Variants in FBXW4 observed in about 807,000 individuals in gnomAD.
The protein encoded by FBXW4 is F-box/WD repeat-containing protein 4.
A neutral mutation model predicts 61.8 loss-of-function variants in FBXW4; 40 were observed. The ratio of observed to expected loss-of-function variants is 0.65; its 90% CI spans 0.50 to 0.84. The LOEUF (loss-of-function observed/expected upper bound fraction) is 0.84. Among genes scored for constraint, FBXW4 ranks in the 40% least tolerant of loss-of-function variants. The pLI, the probability that FBXW4 is intolerant of heterozygous loss-of-function variation, is 0.00. For synonymous variants in FBXW4, 311 were observed against 313.8 expected, an observed-to-expected ratio of 0.99 and a Z score of 0.10; for missense variants, 672 against 753.8, an observed-to-expected ratio of 0.89 and a Z score of 1.27.
chr10:101,615,782 G>A (rs546841483), intron 6 of FBXW4, among the ~76,000 whole-genome samples: 3 of 152,246 alleles, frequency 2.0e-5, no homozygotes, highest in East Asian at 1.9e-4. Flanking sequence ...TGGATAGCCC[G>A]CCAGGGACAG....
At chr10:101,674,277 C>T (rs1407362642) in intron 2 of FBXW4, among the ~76,000 whole-genome samples, 1 of 150,268 alleles carries the variant, frequency 6.7e-6, no homozygotes, top group Non-Finnish European at 1.5e-5. Context: ...TGCAGTGAGC[C>T]GAGATCGCAC....
intron 4 of FBXW4, 130 bp from the exon 5 acceptor site, chr10:101,668,110 C>G: frequency 1.5e-6 from 1 of 683,588 alleles, no homozygotes; most frequent in South Asian, 1.7e-5. Context: ...ACACAGAGCT[C>G]AGGTATCAGC....
intron 1 of FBXW4, among the ~76,000 whole-genome samples, chr10:101,691,572 T>G (rs1240998907): frequency 2.0e-5 from 3 of 152,236 alleles, no homozygotes; most frequent in African/African-American, 4.8e-5. Context: ...TTTCTTTTTT[T>G]TTGTTGTTAT....
At chr10:101,665,505 C>T (rs1272206968) in intron 5 of FBXW4, among the ~76,000 whole-genome samples, 1 of 152,124 alleles carries the variant, frequency 6.6e-6, no homozygotes, top group South Asian at 2.1e-4. Flanking sequence ...AAACATAAGG[C>T]CTAGGTCTTC....
At chr10:101,686,729 T>A (rs1242480086) in intron 1 of FBXW4, among the ~76,000 whole-genome samples, 5 of 152,170 alleles carry the variant, frequency 3.3e-5, no homozygotes, top group South Asian at 2.1e-4. Flanking sequence ...GTGACCAGAC[T>A]TCAAAATCCC....
At chr10:101,660,320 G>A (rs938003252) in intron 5 of FBXW4, 26 of 312,196 alleles carry the variant, frequency 8.3e-5, no homozygotes, top group Admixed American at 3.9e-4. Flanking sequence ...TGCTTGGGAA[G>A]TTGGGTTGGG....
At chr10:101,630,295 CA>C (rs2063941263) in intron 5 of FBXW4, among the ~76,000 whole-genome samples, 1 of 152,176 alleles carries the variant, frequency 6.6e-6, no homozygotes, top group African/African-American at 2.4e-5. Flanking sequence ...GGAAAAATTG[CA>C]ATTAAATCAA....
intron 1 of FBXW4, among the ~76,000 whole-genome samples, chr10:101,689,395 A>C (rs543283430): frequency 6.6e-6 from 1 of 152,224 alleles, no homozygotes; most frequent in Non-Finnish European, 1.5e-5. Context: ...TAGTGATTGC[A>C]CTAGACCATG....
intron 5 of FBXW4, among the ~76,000 whole-genome samples, chr10:101,629,434 C>A (rs1213366293): frequency 6.6e-6 from 1 of 152,114 alleles, no homozygotes; most frequent in Non-Finnish European, 1.5e-5. Context: ...CAGGTGCGCA[C>A]CACCACGCCT....
chr10:101,631,451 T>TA (rs372526656), intron 5 of FBXW4, among the ~76,000 whole-genome samples: 1 of 151,672 alleles, frequency 6.6e-6, no homozygotes, highest in African/African-American at 2.4e-5. Flanking sequence ...TTACAACTAC[T>TA]AAAAAAAAGA....
At position 101,694,836 on chromosome 10, in the gene FBXW4, G is replaced by C. The variant is rs1052784405; in HGVS notation, c.270C>G (p.Ser90Arg). 49 of 1,291,606 alleles carry C rather than the reference G, an allele frequency of 3.8e-5. No homozygotes were observed. Among genetic ancestry groups the C allele is most frequent in the African/African-American group, 3.6e-4 (23 of 64,508 alleles). 80.0% of individuals were successfully genotyped at this position (1,291,606 alleles called of 1,614,324 possible). The change falls in exon 1 of 9, where the codon AGC (serine) becomes AGG (arginine). Residue 90 changes from serine (S) to arginine (R), a missense_variant. Physicochemically the swap from Ser to Arg is moderately radical, Grantham distance 110. Coordinates refer to ENST00000331272, the MANE Select transcript of FBXW4 (RefSeq NM_022039.4). The surrounding 1 kb of genome is among the most constrained non-coding windows in gnomAD (Gnocchi z 6.0). ...CGATGCCTCTCGCCCCTTCCTCCAC[G>C]CTTCTGCCTCCCTCTGCTTCCTCCC... ...CPREEAEGGRSVEEGARGIVK... is the reference protein window; with the variant it reads ...CPREEAEGGRRVEEGARGIVK...
intron 5 of FBXW4, among the ~76,000 whole-genome samples, chr10:101,629,753 C>G (rs1306576027): frequency 6.6e-6 from 1 of 151,788 alleles, no homozygotes; most frequent in African/African-American, 2.4e-5. Context: ...GTGGGCTACA[C>G]TTCAAGAGTT....
chr10:101,659,548 T>C, intron 5 of FBXW4: 1 of 358,702 alleles, frequency 2.8e-6, no homozygotes, highest in Non-Finnish European at 3.9e-6. Flanking sequence ...GCTTCATGTG[T>C]GTCTAGTACA....
intron 5 of FBXW4, among the ~76,000 whole-genome samples, chr10:101,658,362 T>C (rs1173966077): frequency 1.3e-5 from 2 of 152,102 alleles, no homozygotes; most frequent in Non-Finnish European, 2.9e-5. Flanking sequence ...CTGCCCAACA[T>C]GGTGAAACCC....
At chr10:101,665,901 G>C (rs1050877765) in intron 5 of FBXW4, among the ~76,000 whole-genome samples, 1 of 152,050 alleles carries the variant, frequency 6.6e-6, no homozygotes, top group African/African-American at 2.4e-5. Flanking sequence ...TGAAGGAAGC[G>C]CACAGACCAT....
intron 1 of FBXW4, among the ~76,000 whole-genome samples, chr10:101,681,401 T>A (rs200985549): frequency 0.036 from 4,801 of 131,566 alleles, 96 homozygotes; most frequent in Middle Eastern, 0.076. Flanking sequence ...AAAAAAAAAA[T>A]AATAATAATA....
At chr10:101,642,916 G>A (rs544320340) in intron 5 of FBXW4, among the ~76,000 whole-genome samples, 2 of 152,294 alleles carry the variant, frequency 1.3e-5, no homozygotes, top group South Asian at 2.1e-4. Context: ...CTGGGGGTAC[G>A]CACATACATA....
At chr10:101,680,711 T>G (rs868331087) in intron 1 of FBXW4, among the ~76,000 whole-genome samples, 2 of 152,362 alleles carry the variant, frequency 1.3e-5, no homozygotes, top group Middle Eastern at 6.8e-3. Context: ...TTTGGTTACA[T>G]GTTGCTTATA....
intron 1 of FBXW4, among the ~76,000 whole-genome samples, chr10:101,690,292 G>A (rs965699464): frequency 8.5e-5 from 13 of 152,222 alleles, no homozygotes; most frequent in African/African-American, 2.9e-4. Flanking sequence ...ACGGAACTAG[G>A]TTAGTTTGTC....
Sources: allele counts gnomAD v4.1 joint callset (sites outside exome capture counted in the v4.1 genomes callset), GRCh38; gene constraint gnomAD v4.1.1; non-coding constraint Gnocchi (gnomAD v3.1); transcripts MANE v1.5; gene names NCBI Gene and HGNC (gene_info 2026-07-23, HGNC 2026-07-21).